The following BOC variants were observed in gnomAD, a reference collection of about 807,000 sequenced individuals.
BOC encodes the protein brother of CDO.
BOC carries 76 observed loss-of-function variants against 112.0 expected under a neutral mutation model. The observed-to-expected ratio is 0.68, with a 90% CI of 0.56 to 0.82. BOC has a LOEUF of 0.82. BOC is among the 40% of genes least tolerant of loss of function. The pLI is 0.00. For missense variants in BOC, 1,309 were observed against 1,511.7 expected, an observed-to-expected ratio of 0.87 and a Z score of 2.22; for synonymous variants, 580 against 599.8, an observed-to-expected ratio of 0.97 and a Z score of 0.48.
chr3:113,279,749 TG>T, intron 12 of BOC, 74 bp from the exon 13 acceptor site: 1 of 1,467,430 alleles, frequency 6.8e-7, no homozygotes, highest in Non-Finnish European at 9.2e-7. Flanking sequence ...CTCCAGGTCC[TG>T]GGCCTTGAAA....
rs976876207 is a variant in BOC at position 113,272,660 on chromosome 3, G to A, written c.918G>A (p.Gly306=). 1.9e-6 allele frequency: 3 copies of A among 1,613,790 alleles called. No homozygotes were observed. The highest frequency in any genetic ancestry group is 2.5e-6 in the Non-Finnish European group (3 of 1,180,012). The change falls in exon 7 of 20, where the codon GGG becomes GGA. Residue 306 remains glycine (G), a synonymous_variant. Coordinates refer to ENST00000682979, the MANE Select transcript of BOC (RefSeq NM_001378074.1). The part of the protein sequence containing the change: ...TYRCMADNGV[G]QPGAAVILYN... ...GCTGCATGGCCGACAATGGGGTTGG[G>A]CAGCCCGGGGCAGCGGTCATCCTCT...
intron 2 of BOC, among the ~76,000 whole-genome samples, chr3:113,241,157 T>C (rs537079227): frequency 6.6e-6 from 1 of 152,338 alleles, no homozygotes; most frequent in East Asian, 1.9e-4. Context: ...AAGGTAGATG[T>C]CACTGGCCTT....
chr3:113,280,520 T>C (rs1343976340), intron 13 of BOC, 38 bp from the exon 14 acceptor site: 1 of 1,432,846 alleles, frequency 7.0e-7, no homozygotes, highest in Non-Finnish European at 9.9e-7. Context: ...ATGTTTTCTC[T>C]GCCCATTGTC....
intron 8 of BOC, 128 bp downstream of exon 8, chr3:113,273,469 T>C: frequency 9.9e-7 from 1 of 1,009,486 alleles, no homozygotes; most frequent in East Asian, 2.7e-5. Flanking sequence ...AGCTCAAATT[T>C]ATATGAACTT....
intron 16 of BOC, 152 bp downstream of exon 16, chr3:113,283,784 T>G: frequency 1.4e-6 from 1 of 694,216 alleles, no homozygotes. Flanking sequence ...ACTGGGCCCC[T>G]CCCCCAGCTC....
At chr3:113,285,347 C>T in intron 18 of BOC, 25 bp from the exon 19 acceptor site, 1 of 1,610,174 alleles carries the variant, frequency 6.2e-7, no homozygotes, top group Non-Finnish European at 8.5e-7. Flanking sequence ...AGCCCCACCT[C>T]CCCATCTGGG....
At chr3:113,283,745 A>C in intron 16 of BOC, 113 bp downstream of exon 16, 1 of 972,232 alleles carries the variant, frequency 1.0e-6, no homozygotes, top group Non-Finnish European at 1.5e-6. Context: ...AGTCCCCCAA[A>C]GGTCTCGGAG....
chr3:113,272,416 C>T lies in BOC; in HGVS notation c.674C>T (p.Thr225Ile), dbSNP rs778231332. Residue 225 changes from threonine to isoleucine, a missense_variant, in exon 7 of 20, where the codon ACC becomes ATC. By Grantham distance (89) the Thr-to-Ile change is moderately conservative (BLOSUM62 -1). Transcript: ENST00000682979. ...GCCCTCCTTGCCCCTCCAGGCTCCA[C>T]CGCTGAGGCTGCCCGCATCATCTAC... Reference protein sequence around the residue: ...SSDRLRVRRSTAEAARIIYPP... With the variant: ...SSDRLRVRRSIAEAARIIYPP... The T allele has an allele frequency of 1.7e-5, 27 of 1,613,164 alleles. No homozygotes were observed. The South Asian group carries it at 2.9e-4, about 17-fold the overall frequency.
At chr3:113,270,992 G>GGGCTCACAAAGATGGAAA (rs1559867642) in intron 6 of BOC, 48 bp downstream of exon 6, 1 of 1,612,540 alleles carries the variant, frequency 6.2e-7, no homozygotes, top group Admixed American at 1.7e-5. Context: ...ACTGATGGAA[G>GGGCTCACAAAGATGGAAA]GGCTCACAAA....
At chr3:113,245,931 G>A (rs1057093727) in intron 2 of BOC, among the ~76,000 whole-genome samples, 1 of 152,206 alleles carries the variant, frequency 6.6e-6, no homozygotes, top group South Asian at 2.1e-4. Context: ...GCTTTTTGTG[G>A]TGTTCTCACT....
chr3:113,284,493 A>C lies in BOC; in HGVS notation c.2815A>C (p.Arg939=). ...RACANGIHMN[R]GCPSAAVGYP... is the part of the protein sequence containing the mutation. ...CTGTGCTAATGGGATCCACATGAAT[A>C]GGGGCTGCCCCTCGGCTGCAGTGGG... The change falls in exon 17 of 20, where the codon AGG becomes CGG. Residue 939 remains arginine, a synonymous_variant. Transcript: ENST00000682979. 6.2e-7 allele frequency: 1 copy of C among 1,614,180 alleles called. No individual in the cohort carries two copies. The highest frequency in any genetic ancestry group is 8.5e-7 in the Non-Finnish European group (1 of 1,180,006).
intron 19 of BOC, among the ~76,000 whole-genome samples, chr3:113,286,391 G>A (rs556099691): frequency 6.6e-6 from 1 of 152,174 alleles, no homozygotes; most frequent in Non-Finnish European, 1.5e-5. Flanking sequence ...TTCCTTCTGC[G>A]TTTCACGGGC....
chr3:113,247,396 A>C (rs1380501053), intron 2 of BOC, among the ~76,000 whole-genome samples: 9 of 150,640 alleles, frequency 6.0e-5, no homozygotes, highest in Non-Finnish European at 1.3e-4. Context: ...CCAAAAGCTT[A>C]CTTTTTGGTG....
intron 2 of BOC, among the ~76,000 whole-genome samples, chr3:113,218,153 C>A (rs1576313265): frequency 6.6e-6 from 1 of 152,186 alleles, no homozygotes. Flanking sequence ...GTGAGGAAAG[C>A]GGAGCCTGTG....
Position 113,285,524 on chromosome 3 carries a change from G to A in BOC, c.3119G>A (p.Ser1040Asn). The A allele has an allele frequency of 1.2e-6, 2 of 1,610,408 alleles. No homozygotes were observed. The highest frequency in any genetic ancestry group is 1.7e-6 in the Non-Finnish European group (2 of 1,178,198). ...GQSGVRRAPD[S>N]PVLEAVWDPP... is the part of the protein sequence containing the mutation. ...TCAGGGGTGAGGAGAGCCCCCGACA[G>A]TCCTGTCCTGGAAGCAGTGTGGGAC... The change falls in exon 19 of 20, where the codon AGT (serine) becomes AAT (asparagine). Residue 1040 changes from serine (S) to asparagine (N), a missense_variant. Transcript: ENST00000682979.
At chr3:113,241,276 A>G (rs1446756695) in intron 2 of BOC, among the ~76,000 whole-genome samples, 3 of 152,110 alleles carry the variant, frequency 2.0e-5, no homozygotes, top group Admixed American at 6.5e-5. Flanking sequence ...TCTGTCCCCA[A>G]AGGCCCTGAT....
rs1938198725 is a variant in BOC at position 113,211,844 on chromosome 3, G to C, written c.-342G>C. The C allele has an allele frequency of 6.6e-6, 1 of 152,388 alleles. No homozygotes were observed. Among genetic ancestry groups the C allele is most frequent in the Admixed American group, 6.5e-5 (1 of 15,276 alleles). The allele number at this position is 152,388 out of a possible 1,614,324, so 9.4% of individuals were successfully genotyped here. A position where few individuals can be genotyped will look rare whatever the true frequency, so the allele number is the denominator to read the frequency against. On this transcript the variant is annotated 5_prime_UTR_variant, in exon 1 of 20. Transcript: ENST00000682979. ...CTCCCTCTCCGGCCCGCAACTTCTCGGTCCTCGGCTCCTTTGTTGCTCCAG... is the reference window on the plus strand; with the variant it reads ...CTCCCTCTCCGGCCCGCAACTTCTCCGTCCTCGGCTCCTTTGTTGCTCCAG...
chr3:113,273,252 G>C lies in BOC; in HGVS notation c.1145G>C (p.Gly382Ala). 1 of 1,613,318 alleles carries C rather than the reference G, an allele frequency of 6.2e-7. No individual in the cohort carries two copies. ...AGGGCCCTGCGCGTGCTCAGCATGG[G>C]GCCTGAGGACGAAGGCGTCTACCAG... ...SRRALRVLSMGPEDEGVYQCM... is the reference protein window; with the variant it reads ...SRRALRVLSMAPEDEGVYQCM... The change falls in exon 8 of 20, where the codon GGG becomes GCG. Residue 382 changes from glycine (G) to alanine (A), a missense_variant. Physicochemically the swap from Gly to Ala is moderately conservative, Grantham distance 60. Transcript: ENST00000682979.
In BOC at chr3:113,283,553, C is replaced by T. The variant is rs1040442794; in HGVS notation, c.2577C>T (p.Val859=). The T allele has an allele frequency of 3.7e-6, 6 of 1,613,926 alleles. No individual in the cohort carries two copies. Among genetic ancestry groups the T allele is most frequent in the South Asian group, 1.1e-5 (1 of 91,060 alleles). The change falls in exon 16 of 20, where the codon GTC becomes GTT. Residue 859 remains valine (V), a synonymous_variant. Coordinates refer to ENST00000682979, the MANE Select transcript of BOC (RefSeq NM_001378074.1). ...ARSSDLPYLI[V]GVVLGSIVLI... ...CCAGCGACCTGCCCTATCTGATTGT[C>T]GGGGTCGTCCTGGGCTCCATCGTTC...
Sources: allele counts gnomAD v4.1 joint callset (sites outside exome capture counted in the v4.1 genomes callset), GRCh38; gene constraint gnomAD v4.1.1; transcripts MANE v1.5; gene names NCBI Gene and HGNC (gene_info 2026-07-23, HGNC 2026-07-21).